The following LHX1 variants were observed in gnomAD, a reference collection of about 807,000 sequenced individuals.
LHX1 encodes LIM homeobox 1, also known as LIM/homeobox protein Lhx1.
LHX1 carries 9 observed loss-of-function variants against 34.1 expected under a neutral mutation model. The ratio of observed to expected loss-of-function variants is 0.26; its 90% CI spans 0.16 to 0.46. The LOEUF is 0.46. Ranked by LOEUF, LHX1 falls within the 20% of genes least tolerant of loss-of-function variation. The pLI is 1.00. For missense variants in LHX1, 446 were observed against 559.1 expected (o/e 0.80, Z 2.04); for synonymous variants, 254 against 241.5 (o/e 1.05, Z -0.48).
In LHX1 at chr17:36,944,530, CATATTAGACCATTCACTGT is replaced by C. The variant is rs1264801047; in HGVS notation, c.*1402_*1420del. 1 of 152,152 alleles carries C rather than the reference CATATTAGACCATTCACTGT, an allele frequency of 6.6e-6. No homozygotes were observed. Among genetic ancestry groups the C allele is most frequent in the Non-Finnish European group, 1.5e-5 (1 of 68,038 alleles). 9.4% of individuals were successfully genotyped at this position (152,152 alleles called of 1,614,324 possible). A position where few individuals can be genotyped will look rare whatever the true frequency, so the allele number is the denominator to read the frequency against. ...ACCTAAGCTTGTGTGACCTCCAGTG[CATATTAGACCATTCACTGT>C]ATGAAAGAAAACATGTTGAATAAAT... is the stretch of plus-strand genomic sequence containing the variant. On this transcript the variant is annotated 3_prime_UTR_variant, in exon 5 of 5. Transcript: ENST00000614239.
chr17:36,942,937 T>A lies in LHX1; in HGVS notation c.1027T>A (p.Phe343Ile). Residue 343 changes from phenylalanine (F) to isoleucine (I), a missense_variant, in exon 5 of 5, where the codon TTT (phenylalanine) becomes ATT (isoleucine). Coordinates refer to ENST00000614239, the MANE Select transcript of LHX1 (RefSeq NM_005568.5). ...CCACCCGTCGAGCGAGGCGCAGCGGTTTACCGACATCCTGGCGCACCCACC... is the reference window on the plus strand; with the variant it reads ...CCACCCGTCGAGCGAGGCGCAGCGGATTACCGACATCCTGGCGCACCCACC... ...GHHPSSEAQR[F>I]TDILAHPPGD... 1 of 1,607,256 alleles carries A rather than the reference T, an allele frequency of 6.2e-7. No homozygotes were observed. Among genetic ancestry groups the A allele is most frequent in the Non-Finnish European group, 8.5e-7 (1 of 1,177,500 alleles).
chr17:36,938,685 G>T, intron 1 of LHX1: 1 of 494,600 alleles, frequency 2.0e-6, no homozygotes, highest in Non-Finnish European at 3.7e-6. Context: ...AGCCCGGACT[G>T]CTGTCTTTCC....
intron 1 of LHX1, 24 bp from the exon 2 acceptor site, chr17:36,940,266 C>T (rs2070755616): frequency 5.0e-6 from 2 of 400,224 alleles, no homozygotes; most frequent in Non-Finnish European, 4.6e-6. Context: ...CCCGCCCCCG[C>T]CCCCCACCCC....
rs371131038 is a variant in LHX1, at chr17:36,943,107, A to G, written c.1197A>G (p.Glu399=). 3.7e-6 allele frequency: 6 copies of G among 1,612,068 alleles called. No individual in the cohort carries two copies. The highest frequency in any genetic ancestry group is 5.1e-6 in the Non-Finnish European group (6 of 1,179,714). Residue 399 remains glutamate (E), a synonymous_variant, in exon 5 of 5, where the codon GAA becomes GAG. Transcript: ENST00000614239. ...SYGNHLSHPP[E]MNEAAVW is the part of the protein sequence containing the mutation. ...GAAACCACCTGTCCCACCCCCCCGA[A>G]ATGAACGAGGCGGCCGTGTGGTAGC...
Position 36,943,719 on chromosome 17 carries a change from A to C in LHX1, c.*588A>C, listed in dbSNP as rs1418015321. The C allele has an allele frequency of 6.6e-6, 1 of 152,204 alleles. No homozygotes were observed. The highest frequency in any genetic ancestry group is 6.5e-5 in the Admixed American group (1 of 15,276). 9.4% of individuals were successfully genotyped at this position (152,204 alleles called of 1,614,324 possible). On this transcript the variant is annotated 3_prime_UTR_variant, in exon 5 of 5. Coordinates refer to ENST00000614239, the MANE Select transcript of LHX1 (RefSeq NM_005568.5). ...GGGACTATATATATATTTTTTGTCTATCTGGATTTTTGGTTTTTGTTTTTG... is the reference window on the plus strand; with the variant it reads ...GGGACTATATATATATTTTTTGTCTCTCTGGATTTTTGGTTTTTGTTTTTG...
chr17:36,942,744 CT>C lies in LHX1; in HGVS notation c.842-7del. 6.6e-7 allele frequency: 1 copy of C among 1,506,134 alleles called. No homozygotes were observed. The allele number at this position is 1,506,134 out of a possible 1,614,324, so 93.3% of individuals were successfully genotyped here. ...CTGACGTCCTGCGCCCTCCCCGCCG[CT>C]CCGCAGATTACCAGAGCGAGTACTA... is the stretch of plus-strand genomic sequence containing the variant. On this transcript the variant is annotated splice_region_variant and splice_polypyrimidine_tract_variant and intron_variant, in intron 4 of 4. Transcript: ENST00000614239.
chr17:36,937,197 C>T (rs975101791), upstream of LHX1: 3 of 453,192 alleles, frequency 6.6e-6, no homozygotes, highest in African/African-American at 6.1e-5. Flanking sequence ...GGCTGTGCGC[C>T]CAGGCGGCCG....
chr17:36,942,708 C>A (rs768354752), intron 4 of LHX1, 44 bp from the exon 5 acceptor site: 2 of 1,447,474 alleles, frequency 1.4e-6, no homozygotes, highest in Non-Finnish European at 1.8e-6. Context: ...CCGCCGGCCC[C>A]CGGCCGGGCC....
In LHX1 at chr17:36,940,890, C is replaced by T. The variant is rs2070760665; in HGVS notation, c.675+3C>T. The stretch of plus-strand genomic sequence containing the variant: ...GCCTCAACATGCGCGTCATTCAGGT[C>T]AGGCCCCGGCGCGCCTCTCCATCCC... On this transcript the variant is annotated splice_donor_region_variant and intron_variant, in intron 3 of 4. Coordinates refer to ENST00000614239, the MANE Select transcript of LHX1 (RefSeq NM_005568.5). The T allele has an allele frequency of 1.3e-6, 2 of 1,582,258 alleles. No individual in the cohort carries two copies. The highest frequency in any genetic ancestry group is 1.7e-6 in the Non-Finnish European group (2 of 1,168,424).
rs1441137650 is a variant in LHX1, at chr17:36,942,352, C to T, written c.828C>T (p.Phe276=). ...GCGAGCTCATCCCCAATGGTCCCTT[C>T]TCCTTCTACGGAGGTGGGTGCGCGC... ...EPGELIPNGP[F]SFYGDYQSEY... is the part of the protein sequence containing the mutation. The change falls in exon 4 of 5, where the codon TTC becomes TTT. Residue 276 remains phenylalanine (F), a synonymous_variant. Coordinates refer to ENST00000614239, the MANE Select transcript of LHX1 (RefSeq NM_005568.5). The T allele has an allele frequency of 6.3e-7, 1 of 1,585,578 alleles. No homozygotes were observed. Among genetic ancestry groups the T allele is most frequent in the Non-Finnish European group, 8.6e-7 (1 of 1,166,900 alleles).
chr17:36,940,760 C>G lies in LHX1; in HGVS notation c.548C>G (p.Pro183Arg). ...DQNLGAKRRGPRTTIKAKQLE... is the reference protein window; with the variant it reads ...DQNLGAKRRGRRTTIKAKQLE... ...AACCTGGGCGCCAAGCGGCGGGGAC[C>G]GCGCACCACCATCAAAGCCAAGCAG... Residue 183 changes from proline (P) to arginine (R), a missense_variant, in exon 3 of 5, where the codon CCG (proline) becomes CGG (arginine). By Grantham distance (103) the Pro-to-Arg change is moderately radical (BLOSUM62 -2). Transcript: ENST00000614239. 6.2e-7 allele frequency: 1 copy of G among 1,613,568 alleles called. No homozygotes were observed. The highest frequency in any genetic ancestry group is 8.5e-7 in the Non-Finnish European group (1 of 1,180,050).
intron 4 of LHX1, 38 bp from the exon 5 acceptor site, chr17:36,942,714 G>A (rs774104700): frequency 1.9e-5 from 28 of 1,450,080 alleles, no homozygotes; most frequent in Non-Finnish European, 1.2e-5. Context: ...GCCCCCGGCC[G>A]GGCCCTGACG....
chr17:36,943,230 C>T lies in LHX1; in HGVS notation c.*99C>T. ...AAAACATAAAAAGCAAGTCCCCACCCCCTTCCTCCAGCCTCGAGAACCATT... is the reference window on the plus strand; with the variant it reads ...AAAACATAAAAAGCAAGTCCCCACCTCCTTCCTCCAGCCTCGAGAACCATT... On this transcript the variant is annotated 3_prime_UTR_variant, in exon 5 of 5. Coordinates refer to ENST00000614239, the MANE Select transcript of LHX1 (RefSeq NM_005568.5). The T allele has an allele frequency of 7.4e-7, 1 of 1,357,500 alleles. No homozygotes were observed. The highest frequency in any genetic ancestry group is 1.4e-5 in the South Asian group (1 of 70,896). 84.1% of individuals were successfully genotyped at this position (1,357,500 alleles called of 1,614,324 possible).
At position 36,938,375 on chromosome 17, in the gene LHX1, C is replaced by G. The variant is rs765931477; in HGVS notation, c.170+8C>G. On this transcript the variant is annotated splice_region_variant and intron_variant, in intron 1 of 4. Coordinates refer to ENST00000614239, the MANE Select transcript of LHX1 (RefSeq NM_005568.5). ...CAAGAACGACTTCTTCCGGTGAGTA[C>G]TTTCCTCCCACGCCTCTGCTGCTAC... The G allele has an allele frequency of 6.2e-7, 1 of 1,613,820 alleles. No individual in the cohort carries two copies. The highest frequency in any genetic ancestry group is 8.5e-7 in the Non-Finnish European group (1 of 1,179,698).
At chr17:36,941,059 G>C (rs894696475) in intron 3 of LHX1, 172 bp downstream of exon 3, 6 of 1,017,896 alleles carry the variant, frequency 5.9e-6, no homozygotes, top group African/African-American at 4.8e-5. Context: ...TGATGCCTTC[G>C]AGCATCTAGA....
chr17:36,938,385 A>G lies in LHX1; in HGVS notation c.170+18A>G, dbSNP rs1422356844. ...TTCTTCCGGTGAGTACTTTCCTCCCACGCCTCTGCTGCTACCTCCCCGCGG... is the reference window on the plus strand; with the variant it reads ...TTCTTCCGGTGAGTACTTTCCTCCCGCGCCTCTGCTGCTACCTCCCCGCGG... On this transcript the variant is annotated intron_variant, in intron 1 of 4. Transcript: ENST00000614239. The G allele has an allele frequency of 2.5e-6, 4 of 1,613,116 alleles. No homozygotes were observed.
At chr17:36,940,214 C>A in intron 1 of LHX1, 76 bp from the exon 2 acceptor site, 1 of 852,786 alleles carries the variant, frequency 1.2e-6, no homozygotes, top group Non-Finnish European at 1.9e-6. Flanking sequence ...TCGCTGTCAT[C>A]TTTCTCTCCG....
At chr17:36,936,956 C>T, upstream of LHX1, 1 of 254,012 alleles carries the variant, frequency 3.9e-6, no homozygotes. Context: ...CGCCGGCCTA[C>T]TGTAGCCGCT....
chr17:36,938,045 A>T lies in LHX1; in HGVS notation c.-153A>T. On this transcript the variant is annotated 5_prime_UTR_variant, in exon 1 of 5. Coordinates refer to ENST00000614239, the MANE Select transcript of LHX1 (RefSeq NM_005568.5). ...GCCTCGTTTCCTCCACCCTACTTTG[A>T]TTTCCTGGTGCGAGTTTTGGCTTGC... The T allele has an allele frequency of 1.4e-6, 1 of 722,994 alleles. No homozygotes were observed. The allele number at this position is 722,994 out of a possible 1,614,324, so 44.8% of individuals were successfully genotyped here.
Sources: gnomAD v4.1 joint callset for allele counts on GRCh38, gnomAD v4.1.1 for gene constraint, MANE v1.5 for transcripts, NCBI Gene and HGNC (gene_info 2026-07-23, HGNC 2026-07-21) for gene names.